Variants in ZNF536 observed in about 807,000 individuals in gnomAD.
ZNF536 encodes zinc finger protein 536.
A neutral mutation model predicts 84.5 loss-of-function variants in ZNF536; 13 were observed. The ratio of observed to expected loss-of-function variants is 0.15; its 90% CI spans 0.10 to 0.24. ZNF536 has a LOEUF of 0.24. Among genes scored for constraint, ZNF536 ranks in the 10% least tolerant of loss-of-function variants. The pLI is 1.00. For synonymous variants in ZNF536, 811 were observed against 742.5 expected (o/e 1.09, Z -1.50); for missense variants, 1,536 against 1,747.5 (o/e 0.88, Z 2.16).
At chr19:30,495,642 C>T (rs2054689582) in intron 2 of ZNF536, among the ~76,000 whole-genome samples, 1 of 152,228 alleles carries the variant, frequency 6.6e-6, no homozygotes, top group Non-Finnish European at 1.5e-5. Flanking sequence ...CAAGGTTGCA[C>T]ATCCAAGACA....
chr19:30,366,087 C>G (rs2048419472), intron 3 of ZNF536, among the ~76,000 whole-genome samples: 1 of 152,100 alleles, frequency 6.6e-6, no homozygotes, highest in South Asian at 2.1e-4. Context: ...CCTGAGGAAG[C>G]CCCACGTGAA....
At chr19:30,248,465 C>A (rs2024421667) in intron 1 of ZNF536, among the ~76,000 whole-genome samples, 1 of 150,284 alleles carries the variant, frequency 6.7e-6, no homozygotes, top group African/African-American at 2.5e-5. Context: ...GCTCGTCTCG[C>A]ACTTCTGGCC....
In ZNF536 at chr19:30,617,366, T is replaced by TTTTTTA. The variant is rs869281886; in HGVS notation, c.169+67852_169+67853insTTTTTA. Among the ~76,000 whole-genome samples the TTTTTTA allele has an allele frequency of 4.8e-4, 56 of 115,966 alleles. 1 individual carries two copies. Among genetic ancestry groups the TTTTTTA allele is most frequent in the Non-Finnish European group, 8.3e-4 (46 of 55,732 alleles). The allele number at this position is 115,966 out of a possible 152,430, so 76.1% of individuals were successfully genotyped here. On this transcript the variant is annotated intron_variant, in intron 1 of 1. Coordinates refer to the ZNF536 transcript ENST00000592773. ...TTTTTTTTTTTTTTTTTTTTTTTTTTATGAGATGGAGTCTGACTCTGTCAC... is the reference window on the plus strand; with the variant it reads ...TTTTTTTTTTTTTTTTTTTTTTTTTTTTTTTAATGAGATGGAGTCTGACTCTGTCAC...
At chr19:30,454,004 T>C (rs185095762) in intron 2 of ZNF536, among the ~76,000 whole-genome samples, 1 of 152,362 alleles carries the variant, frequency 6.6e-6, no homozygotes, top group East Asian at 1.9e-4. Flanking sequence ...CCCTTAACGG[T>C]GCCCAGCCAG....
rs1295974726 is a variant in ZNF536 at position 30,480,094 on chromosome 19, T to C, written c.2170+34362T>C. 2.0e-5 allele frequency among the ~76,000 whole-genome samples: 3 copies of C among 152,236 alleles called. No homozygotes were observed. In the South Asian group the frequency reaches 6.2e-4, roughly 32 times the overall value. On this transcript the variant is annotated intron_variant, in intron 2 of 4. Transcript: ENST00000355537. Reference sequence around the variant, plus strand: ...CAATTAGCTTTCCCTTTCTCCACAGTTCCTCAGATATCACAGCAGCAGGTT... The same window carrying C: ...CAATTAGCTTTCCCTTTCTCCACAGCTCCTCAGATATCACAGCAGCAGGTT...
At chr19:30,341,008 A>G (rs2047548739) in intron 2 of ZNF536, among the ~76,000 whole-genome samples, 1 of 152,184 alleles carries the variant, frequency 6.6e-6, no homozygotes, top group Non-Finnish European at 1.5e-5. Flanking sequence ...TTGTTTTTTC[A>G]ATCTGTGACC....
At chr19:30,565,565 TTTC>T (rs2046320756) in intron 1 of ZNF536, among the ~76,000 whole-genome samples, 1 of 152,222 alleles carries the variant, frequency 6.6e-6, no homozygotes, top group African/African-American at 2.4e-5. Context: ...CACAGTCTTT[TTTC>T]TTTTTCTTTT....
intron 2 of ZNF536, among the ~76,000 whole-genome samples, chr19:30,346,677 G>T (rs967115547): frequency 1.3e-5 from 2 of 152,174 alleles, no homozygotes; most frequent in Admixed American, 6.5e-5. Context: ...ACATGATCTT[G>T]TTCTTTTTTA....
chr19:30,261,697 C>CAAAAAAAAAAA (rs56820609), intron 1 of ZNF536, among the ~76,000 whole-genome samples: 4 of 99,920 alleles, frequency 4.0e-5, no homozygotes, highest in Non-Finnish European at 6.1e-5. Flanking sequence ...GGACCTTGTC[C>CAAAAAAAAAAA]AAAAAAAAAA....
At chr19:30,233,056 G>A (rs2144682344) in intron 1 of ZNF536, among the ~76,000 whole-genome samples, 1 of 152,328 alleles carries the variant, frequency 6.6e-6, no homozygotes, top group Middle Eastern at 3.4e-3. Flanking sequence ...CCAGTGCCCT[G>A]TAAGTCCAGG....
chr19:30,428,756 C>G (rs761379055), intron 1 of ZNF536, among the ~76,000 whole-genome samples: 1 of 152,184 alleles, frequency 6.6e-6, no homozygotes, highest in Non-Finnish European at 1.5e-5. Context: ...ACTGAGGGTC[C>G]TGGACCAGCC....
At chr19:30,562,901 G>A (rs1168909104), downstream of ZNF536, among the ~76,000 whole-genome samples, 1 of 152,158 alleles carries the variant, frequency 6.6e-6, no homozygotes, top group Non-Finnish European at 1.5e-5. Flanking sequence ...GTTTGGAACA[G>A]TATGCTCTGT....
intron 2 of ZNF536, among the ~76,000 whole-genome samples, chr19:30,447,045 G>T (rs930462124): frequency 6.6e-6 from 1 of 152,136 alleles, no homozygotes; most frequent in Admixed American, 6.5e-5. Context: ...CAAATACCCT[G>T]TTACTAATGG....
At chr19:30,702,882 C>T (rs981356845) in intron 1 of ZNF536, among the ~76,000 whole-genome samples, 6 of 152,204 alleles carry the variant, frequency 3.9e-5, no homozygotes, top group Non-Finnish European at 5.9e-5. Context: ...CAACAATCAT[C>T]AAAAAACCCA....
chr19:30,605,491 T>G (rs768346460), intron 1 of ZNF536, among the ~76,000 whole-genome samples: 1 of 152,234 alleles, frequency 6.6e-6, no homozygotes, highest in South Asian at 2.1e-4. Context: ...TCTAGCTCCA[T>G]CCAAATTGCT....
intron 1 of ZNF536, among the ~76,000 whole-genome samples, chr19:30,565,375 C>T (rs1162871788): frequency 1.3e-5 from 2 of 152,064 alleles, no homozygotes; most frequent in African/African-American, 4.8e-5. Flanking sequence ...GGCCTGCTAC[C>T]GGACTTGTTC....
rs1354806722 is a variant in ZNF536 at position 30,445,189 on chromosome 19, C to T, written c.1627C>T (p.Pro543Ser). The T allele has an allele frequency of 6.2e-7, 1 of 1,614,186 alleles. No individual in the cohort carries two copies. The highest frequency in any genetic ancestry group is 8.5e-7 in the Non-Finnish European group (1 of 1,180,038). The stretch of plus-strand genomic sequence containing the variant: ...ACATGGCTTCTTGTCTAAAGAGCAT[C>T]CGCTGCAGCGCAACCACGAAGACAC... ...MEHGFLSKEH[P>S]LQRNHEDTLA... The change falls in exon 2 of 5, where the codon CCG becomes TCG. Residue 543 changes from proline to serine, a missense_variant. Physicochemically the swap from Pro to Ser is moderately conservative, Grantham distance 74. Around this residue, in one of 8 missense-constraint regions of ZNF536, gnomAD observed 366 missense variants for 364.4 expected, o/e 1.00. Transcript: ENST00000355537. This position sits in a 1 kb window ranked among gnomAD's most constrained non-coding sequence, Gnocchi z 4.5.
intron 2 of ZNF536, among the ~76,000 whole-genome samples, chr19:30,295,598 A>C (rs937818560): frequency 1.3e-4 from 20 of 152,168 alleles, no homozygotes; most frequent in African/African-American, 4.8e-4. Context: ...ATCCCCTCCC[A>C]GTGGATATTC....
At chr19:30,226,213 G>T (rs1358319308), upstream of ZNF536, among the ~76,000 whole-genome samples, 1 of 151,432 alleles carries the variant, frequency 6.6e-6, no homozygotes, top group Non-Finnish European at 1.5e-5. This position sits in a 1 kb window ranked among gnomAD's most constrained non-coding sequence, Gnocchi z 4.6. Context: ...TTTCAAGAGG[G>T]TCTGGGGGGT....
Sources: gnomAD v4.1 joint callset for allele counts (sites outside exome capture counted in the v4.1 genomes callset) on GRCh38, gnomAD v4.1.1 for gene constraint, gnomAD v4.1.1 regional missense constraint, Gnocchi (gnomAD v3.1) non-coding constraint, MANE v1.5 for transcripts, NCBI Gene and HGNC (gene_info 2026-07-23, HGNC 2026-07-21) for gene names.